DISC1: variants seen among roughly 807,000 people sequenced by gnomAD.
DISC1 encodes the protein disrupted in schizophrenia 1 protein.
Under a neutral mutation model 84.5 loss-of-function variants are expected in DISC1, and 57 were observed. The observed-to-expected ratio is 0.67, with a 90% confidence interval of 0.55 to 0.84. DISC1 has a LOEUF of 0.84. Among genes scored for constraint, DISC1 ranks in the 40% least tolerant of loss-of-function variants. DISC1 has a pLI of 0.00. For missense variants in DISC1, 1,000 were observed against 1,057.8 expected, an observed-to-expected ratio of 0.95 and a Z score of 0.76; for synonymous variants, 411 against 415.2, an observed-to-expected ratio of 0.99 and a Z score of 0.12.
Position 231,771,215 on chromosome 1 carries a change from G to A in DISC1, c.1634+145G>A, listed in dbSNP as rs1379571655. On this transcript the variant is annotated intron_variant, in intron 6 of 12. Coordinates refer to ENST00000439617, the MANE Select transcript of DISC1 (RefSeq NM_018662.3). ...GAAGCACCATTGGTGTTTTGGGTGG[G>A]AAAATTCTTCACGGTGTGGGGCAGT... 2.2e-5 allele frequency: 32 copies of A among 1,450,012 alleles called. No individual in the cohort carries two copies. The East Asian group carries it at 7.7e-4, about 35-fold the overall frequency. The allele number at this position is 1,450,012 out of a possible 1,614,324, so 89.8% of individuals were successfully genotyped here. A position where few individuals can be genotyped will look rare whatever the true frequency, so the allele number is the denominator to read the frequency against.
intron 9 of DISC1, among the ~76,000 whole-genome samples, chr1:231,948,181 A>C (rs1167040980): frequency 1.3e-5 from 2 of 152,222 alleles, no homozygotes; most frequent in African/African-American, 4.8e-5. Flanking sequence ...CACTATTCAC[A>C]ATAGCAAAGA....
At chr1:231,759,588 C>T (rs1363429781) in intron 4 of DISC1, among the ~76,000 whole-genome samples, 1 of 148,034 alleles carries the variant, frequency 6.8e-6, no homozygotes, top group African/African-American at 2.5e-5. Flanking sequence ...TACCTGTAGT[C>T]CTATCTACTT....
At chr1:231,718,766 C>T (rs776796685) in intron 3 of DISC1, among the ~76,000 whole-genome samples, 8 of 152,144 alleles carry the variant, frequency 5.3e-5, no homozygotes, top group Non-Finnish European at 1.2e-4. Flanking sequence ...TTGGTAGTTC[C>T]CGAAGGCATA....
chr1:231,800,294 C>A, intron 8 of DISC1, 84 bp downstream of exon 8: 2 of 1,058,060 alleles, frequency 1.9e-6, no homozygotes, highest in Non-Finnish European at 2.9e-6. Flanking sequence ...CCTCGATGAA[C>A]ATTCCACTGT....
rs369214582 is a variant in DISC1, at chr1:231,785,415, G to A, written c.1635-9827G>A. On this transcript the variant is annotated intron_variant, in intron 6 of 12. Transcript: ENST00000439617. Reference sequence around the variant, plus strand: ...CCACCTCAGCCTCTCGAGTAGCTGGGACCACAGACACATGCCACCATACTT... The same window carrying A: ...CCACCTCAGCCTCTCGAGTAGCTGGAACCACAGACACATGCCACCATACTT... 9.6e-4 allele frequency among the ~76,000 whole-genome samples: 146 copies of A among 151,930 alleles called. No homozygotes were observed. The South Asian group carries it at 0.03, about 31-fold the overall frequency.
intron 10 of DISC1, among the ~76,000 whole-genome samples, chr1:231,962,226 A>G (rs906454174): frequency 6.6e-6 from 1 of 151,948 alleles, no homozygotes; most frequent in Non-Finnish European, 1.5e-5. Flanking sequence ...TAATAGAGTT[A>G]TTTGTTTTTT....
chr1:231,794,753 T>C (rs1265268376), intron 6 of DISC1, among the ~76,000 whole-genome samples: 1 of 148,934 alleles, frequency 6.7e-6, no homozygotes, highest in Non-Finnish European at 1.5e-5. Context: ...AAGGGGGTGC[T>C]ATCTCAGACA....
At position 231,850,944 on chromosome 1, in the gene DISC1, A is replaced by G. The variant is rs192835175; in HGVS notation, c.1981+32427A>G. Among the ~76,000 whole-genome samples, 5 of 152,286 alleles carry G rather than the reference A, an allele frequency of 3.3e-5. No homozygotes were observed. In the East Asian group the frequency reaches 9.6e-4, roughly 29 times the overall value. On this transcript the variant is annotated intron_variant, in intron 9 of 12. Coordinates refer to ENST00000439617, the MANE Select transcript of DISC1 (RefSeq NM_018662.3). ...TTTCCTTAGGCTGTTGCTGTCACCT[A>G]GTCATCTCAGACACTCTTACAGGGA...
chr1:231,931,673 G>A (rs2090667082), intron 9 of DISC1, among the ~76,000 whole-genome samples: 1 of 146,346 alleles, frequency 6.8e-6, no homozygotes, highest in Admixed American at 7.0e-5. Context: ...CTTTGAGACA[G>A]GGTCTCACTC....
chr1:231,682,274 G>A (rs1376491669), intron 1 of DISC1, among the ~76,000 whole-genome samples: 1 of 152,170 alleles, frequency 6.6e-6, no homozygotes, highest in Non-Finnish European at 1.5e-5. Context: ...TCCAGGAAGG[G>A]AATTCATGAC....
rs528349163 is a variant in DISC1 at position 231,806,397 on chromosome 1, A to G, written c.1792+6187A>G. 2.0e-5 allele frequency among the ~76,000 whole-genome samples: 3 copies of G among 152,292 alleles called. No individual in the cohort carries two copies. The South Asian group carries it at 6.2e-4, about 32-fold the overall frequency. On this transcript the variant is annotated intron_variant, in intron 8 of 12. Transcript: ENST00000439617. The stretch of plus-strand genomic sequence containing the variant: ...GCCAACTAGGCTGGGCCACTTGTCA[A>G]TGGGGTGGATTCGTTTTTTTGTTTG...
chr1:231,700,875 A>G (rs1036403693), intron 2 of DISC1, among the ~76,000 whole-genome samples: 3 of 152,168 alleles, frequency 2.0e-5, no homozygotes, highest in African/African-American at 7.2e-5. Flanking sequence ...GTTGAAGGAA[A>G]TGTAGGTGTG....
chr1:231,657,285 C>G (rs2061181590), intron 1 of DISC1, among the ~76,000 whole-genome samples: 1 of 152,202 alleles, frequency 6.6e-6, no homozygotes, highest in Non-Finnish European at 1.5e-5. Context: ...CACAACCTCA[C>G]CAGCATCTGT....
chr1:231,892,907 A>C (rs1038288609), intron 9 of DISC1, among the ~76,000 whole-genome samples: 7 of 152,190 alleles, frequency 4.6e-5, no homozygotes, highest in Non-Finnish European at 7.3e-5. Flanking sequence ...CATACCTGTA[A>C]TCCAAGCACT....
At chr1:231,928,614 G>T (rs2090481999) in intron 9 of DISC1, among the ~76,000 whole-genome samples, 1 of 151,964 alleles carries the variant, frequency 6.6e-6, no homozygotes, top group East Asian at 1.9e-4. Context: ...GAATTTATTT[G>T]CTCTTGCTTC....
At chr1:231,755,931 T>A (rs2075067979) in intron 4 of DISC1, among the ~76,000 whole-genome samples, 1 of 152,218 alleles carries the variant, frequency 6.6e-6, no homozygotes, top group African/African-American at 2.4e-5. Flanking sequence ...TATTACCACC[T>A]CTCATTCATC....
chr1:231,732,905 G>A lies in DISC1; in HGVS notation c.1118-17021G>A, dbSNP rs189993183. 6.8e-5 allele frequency among the ~76,000 whole-genome samples: 10 copies of A among 146,384 alleles called. No homozygotes were observed. In the East Asian group the frequency reaches 1.8e-3, roughly 27 times the overall value. Reference sequence around the variant, plus strand: ...GTGTGAGAGATGAGTTGGTGGTGTAGGTAGTGGGAACAGTGGCAGTGGTGG... The same window carrying A: ...GTGTGAGAGATGAGTTGGTGGTGTAAGTAGTGGGAACAGTGGCAGTGGTGG... On this transcript the variant is annotated intron_variant, in intron 3 of 12. Transcript: ENST00000439617.
At chr1:231,932,782 T>TG (rs1450867035) in intron 9 of DISC1, among the ~76,000 whole-genome samples, 2 of 152,174 alleles carry the variant, frequency 1.3e-5, no homozygotes, top group African/African-American at 4.8e-5. Context: ...CATTTAAAAT[T>TG]GAATAATGTA....
chr1:231,641,609 CCTG>C lies in DISC1; in HGVS notation c.67+14678_67+14680del, dbSNP rs1338968840. Among the ~76,000 whole-genome samples, 13 of 152,328 alleles carry C rather than the reference CCTG, an allele frequency of 8.5e-5. No individual in the cohort carries two copies. The East Asian group carries it at 2.3e-3, about 27-fold the overall frequency. On this transcript the variant is annotated intron_variant, in intron 1 of 12. Transcript: ENST00000439617. ...GGGTTGCCGCTGCTGGCGCCTGCAG[CCTG>C]CTTTTATTCTCTTATCTGGCCCCAC... is the stretch of plus-strand genomic sequence containing the variant.
Sources: allele counts gnomAD v4.1 joint callset (sites outside exome capture counted in the v4.1 genomes callset), GRCh38; gene constraint gnomAD v4.1.1; transcripts MANE v1.5; gene names NCBI Gene and HGNC (gene_info 2026-07-23, HGNC 2026-07-21).